The following CCN4 variants were observed in gnomAD, a reference collection of about 807,000 sequenced individuals.
CCN4 encodes CCN family member 4.
A neutral mutation model predicts 36.7 loss-of-function variants in CCN4; 30 were observed. The observed-to-expected ratio is 0.82, with a 90% CI of 0.61 to 1.11. The LOEUF (loss-of-function observed/expected upper bound fraction) is 1.11. CCN4 is among the 50% of genes least tolerant of loss of function. CCN4 has a pLI of 0.00. For missense variants in CCN4, 505 were observed against 504.9 expected, an observed-to-expected ratio of 1.00 and a Z score of 0.00; for synonymous variants, 191 against 195.4, an observed-to-expected ratio of 0.98 and a Z score of 0.19.
intron 1 of CCN4, 141 bp downstream of exon 1, chr8:133,191,354 A>AGCCCAGGGTGAGGAGTCAGCT (rs1226413860): frequency 9.8e-7 from 1 of 1,020,942 alleles, no homozygotes; most frequent in African/African-American, 1.6e-5. Context: ...GCAAGGACAG[A>AGCCCAGGGTGAGGAGTCAGCT]GCCCAGGGTG....
intron 1 of CCN4, among the ~76,000 whole-genome samples, chr8:133,211,197 C>T (rs1363122425): frequency 6.6e-6 from 1 of 152,240 alleles, no homozygotes; most frequent in East Asian, 1.9e-4. Context: ...GTTCAGAGAG[C>T]TTCCATGCCT....
intron 1 of CCN4, among the ~76,000 whole-genome samples, chr8:133,194,772 T>TG (rs1033946387): frequency 4.6e-5 from 3 of 65,746 alleles, no homozygotes; most frequent in African/African-American, 6.8e-5. Context: ...CTGGGGTGTG[T>TG]GGGGGGGATG....
At chr8:133,214,636 C>T (rs10956696) in intron 2 of CCN4, among the ~76,000 whole-genome samples, 57,696 of 151,816 alleles carry the variant, frequency 0.38, 11,353 homozygotes, top group Middle Eastern at 0.47. Context: ...TGCTTCTGTC[C>T]GGACTTGTAT....
At chr8:133,206,052 A>G (rs1853759606) in intron 1 of CCN4, among the ~76,000 whole-genome samples, 1 of 152,184 alleles carries the variant, frequency 6.6e-6, no homozygotes, top group Non-Finnish European at 1.5e-5. Flanking sequence ...TCTTCACTGC[A>G]CAGCACCACA....
chr8:133,196,512 G>T lies in CCN4; in HGVS notation c.69+5299G>T, dbSNP rs201863395. 3.1e-4 allele frequency among the ~76,000 whole-genome samples: 47 copies of T among 152,030 alleles called. No homozygotes were observed. The East Asian group carries it at 3.5e-3, about 11-fold the overall frequency. ...TAGAAAATGTAAAATTTCATCTATG[G>T]CTCTTATTGTATTTTACTAGATGGT... On this transcript the variant is annotated intron_variant, in intron 1 of 4. Coordinates refer to ENST00000250160, the MANE Select transcript of CCN4 (RefSeq NM_003882.4).
At chr8:133,220,872 G>A (rs1854502756) in intron 3 of CCN4, 31 bp downstream of exon 3, 1 of 1,576,440 alleles carries the variant, frequency 6.3e-7, no homozygotes, top group African/African-American at 1.3e-5. Context: ...GCTGGGGGTG[G>A]GACCCTACAA....
chr8:133,205,501 T>A (rs1273817307), intron 1 of CCN4, among the ~76,000 whole-genome samples: 1 of 152,174 alleles, frequency 6.6e-6, no homozygotes, highest in African/African-American at 2.4e-5. Flanking sequence ...GACAGTGTGT[T>A]TGCAAAGATC....
intron 1 of CCN4, among the ~76,000 whole-genome samples, chr8:133,204,351 G>T (rs1342253024): frequency 6.6e-6 from 1 of 152,230 alleles, no homozygotes; most frequent in Non-Finnish European, 1.5e-5. Flanking sequence ...GCTTAGCAGT[G>T]TCGGTGGGTA....
At chr8:133,205,753 C>A (rs973155565) in intron 1 of CCN4, among the ~76,000 whole-genome samples, 1 of 152,160 alleles carries the variant, frequency 6.6e-6, no homozygotes, top group African/African-American at 2.4e-5. Flanking sequence ...GAGCCCCAGC[C>A]CCCAGAAGGA....
In CCN4 at chr8:133,220,443, T is replaced by G. The variant is rs182141656; in HGVS notation, c.350-138T>G. 1.2e-3 allele frequency: 1,511 copies of G among 1,302,386 alleles called. 13 individuals are homozygous for G. In the African/African-American group the frequency reaches 0.013, roughly 12 times the overall value. 80.7% of individuals were successfully genotyped at this position (1,302,386 alleles called of 1,614,324 possible). A position where few individuals can be genotyped will look rare whatever the true frequency, so the allele number is the denominator to read the frequency against. ...ACTCTCACACCTCCCTGCCTTTGCC[T>G]TTGTGCCTCTGTTCCTCCTCCATGC... On this transcript the variant is annotated intron_variant, in intron 2 of 4. Coordinates refer to ENST00000250160, the MANE Select transcript of CCN4 (RefSeq NM_003882.4).
chr8:133,209,514 A>G (rs1853910385), intron 1 of CCN4, among the ~76,000 whole-genome samples: 1 of 152,136 alleles, frequency 6.6e-6, no homozygotes, highest in Non-Finnish European at 1.5e-5. Context: ...GGATGCCATA[A>G]ATGGTTCCCC....
At chr8:133,219,207 C>T (rs1410692341) in intron 2 of CCN4, among the ~76,000 whole-genome samples, 3 of 152,198 alleles carry the variant, frequency 2.0e-5, no homozygotes, top group African/African-American at 7.2e-5. Flanking sequence ...GTGCTAGGCT[C>T]TAACAGCTTT....
At chr8:133,215,015 C>T (rs188546134) in intron 2 of CCN4, among the ~76,000 whole-genome samples, 59 of 152,320 alleles carry the variant, frequency 3.9e-4, no homozygotes, top group Admixed American at 2.7e-3. Context: ...AACTTTCACA[C>T]GAATCCTTGT....
chr8:133,213,251 G>A (rs1854133655), intron 2 of CCN4, 108 bp downstream of exon 2: 6 of 1,362,296 alleles, frequency 4.4e-6, no homozygotes, highest in Admixed American at 4.3e-5. Flanking sequence ...CCAGGCTTCC[G>A]TTCAGCAGGA....
chr8:133,207,998 T>G (rs1407203757), intron 1 of CCN4, among the ~76,000 whole-genome samples: 1 of 151,942 alleles, frequency 6.6e-6, no homozygotes, highest in African/African-American at 2.4e-5. Flanking sequence ...TCAGCTGTTT[T>G]TTTTTTTTTT....
At chr8:133,216,420 A>T (rs1386298465) in intron 2 of CCN4, among the ~76,000 whole-genome samples, 1 of 152,160 alleles carries the variant, frequency 6.6e-6, no homozygotes, top group Non-Finnish European at 1.5e-5. Context: ...GCTTTCAGAG[A>T]TGACCCTACT....
At chr8:133,212,568 C>T (rs979618294) in intron 1 of CCN4, among the ~76,000 whole-genome samples, 2 of 152,034 alleles carry the variant, frequency 1.3e-5, no homozygotes, top group Non-Finnish European at 2.9e-5. Flanking sequence ...CTCGGGGCTG[C>T]AGCGACAATC....
At chr8:133,219,246 T>C (rs1001139677) in intron 2 of CCN4, among the ~76,000 whole-genome samples, 3 of 152,144 alleles carry the variant, frequency 2.0e-5, no homozygotes, top group Non-Finnish European at 4.4e-5. Context: ...CAAGGAAGCC[T>C]TCTCGGACCT....
intron 1 of CCN4, among the ~76,000 whole-genome samples, chr8:133,201,447 G>A (rs79317459): frequency 0.02 from 3,116 of 152,170 alleles, 112 homozygotes; most frequent in African/African-American, 0.071. Context: ...TAATTGCATG[G>A]GGGTTACATT....
Sources: gnomAD v4.1 joint callset for allele counts (sites outside exome capture counted in the v4.1 genomes callset) on GRCh38, gnomAD v4.1.1 for gene constraint, MANE v1.5 for transcripts, NCBI Gene and HGNC (gene_info 2026-07-23, HGNC 2026-07-21) for gene names.